IPO11: variants seen among roughly 807,000 people sequenced by gnomAD.
The protein encoded by IPO11 is importin 11.
A neutral mutation model predicts 143.2 loss-of-function variants in IPO11; 66 were observed. The observed-to-expected ratio is 0.46, with a 90% CI of 0.38 to 0.57. IPO11 has a LOEUF of 0.57. Ranked by LOEUF, IPO11 falls within the 20% of genes least tolerant of loss-of-function variation. The probability of loss-of-function intolerance (pLI) is 0.00; values close to 1 mark genes in which losing one functional copy is unlikely to be tolerated. For synonymous variants in IPO11, 385 were observed against 377.8 expected (o/e 1.02, Z -0.22); for missense variants, 1,026 against 1,141.0 (o/e 0.90, Z 1.45).
intron 10 of IPO11, 110 bp from the exon 11 acceptor site, chr5:62,483,900 C>A: frequency 1.1e-6 from 1 of 881,334 alleles, no homozygotes; most frequent in Non-Finnish European, 1.7e-6. Context: ...AATTTATACA[C>A]AAGTGTATCT....
rs774338851 is a variant in IPO11 at position 62,493,572 on chromosome 5, C to CT, written c.1464-412dup. 7.5e-3 allele frequency among the ~76,000 whole-genome samples: 1,074 copies of CT among 142,642 alleles called. 10 individuals carry two copies. The highest frequency in any genetic ancestry group is 0.011 in the Non-Finnish European group (698 of 64,850). 93.6% of individuals were successfully genotyped at this position (142,642 alleles called of 152,430 possible). A position where few individuals can be genotyped will look rare whatever the true frequency, so the allele number is the denominator to read the frequency against. ...GGTACATTTAGAAGTAGGCTTTAAGCTTTTTTTTTTTTTTGACAGAGCCTT... is the reference window on the plus strand; with the variant it reads ...GGTACATTTAGAAGTAGGCTTTAAGCTTTTTTTTTTTTTTTGACAGAGCCTT... On this transcript the variant is annotated intron_variant, in intron 15 of 29. Transcript: ENST00000325324.
In IPO11 at chr5:62,443,382, AGTGTGTGTGTGTGTGT is replaced by A. The variant is rs4024083; in HGVS notation, c.239+323_239+338del. On this transcript the variant is annotated intron_variant, in intron 3 of 29. Coordinates refer to ENST00000325324, the MANE Select transcript of IPO11 (RefSeq NM_016338.5). Reference sequence around the variant, plus strand: ...TGTTTTCTTCATGGTTTTCCATTTGAGTGTGTGTGTGTGTGTGTGTGTGTGTGTGTGTGTGTGTGCG... The same window carrying A: ...TGTTTTCTTCATGGTTTTCCATTTGAGTGTGTGTGTGTGTGTGTGTGTGCG... The A allele has an allele frequency of 8.1e-3, 1,297 of 159,548 alleles. 9 individuals carry two copies. The highest frequency in any genetic ancestry group is 0.021 in the African/African-American group (820 of 39,830). 9.9% of individuals were successfully genotyped at this position (159,548 alleles called of 1,614,324 possible). A position where few individuals can be genotyped will look rare whatever the true frequency, so the allele number is the denominator to read the frequency against.
chr5:62,507,116 T>C (rs565355397), intron 19 of IPO11, among the ~76,000 whole-genome samples: 2 of 152,348 alleles, frequency 1.3e-5, no homozygotes, highest in East Asian at 1.9e-4. Context: ...CTACATGCTT[T>C]GCATATATTT....
chr5:62,517,442 G>T (rs1352024521), intron 20 of IPO11, among the ~76,000 whole-genome samples: 1 of 152,092 alleles, frequency 6.6e-6, no homozygotes, highest in African/African-American at 2.4e-5. Context: ...CGCTCTTGTT[G>T]CCCAGGCTGG....
intron 24 of IPO11, among the ~76,000 whole-genome samples, chr5:62,545,161 A>G (rs1743118890): frequency 6.6e-6 from 1 of 152,234 alleles, no homozygotes; most frequent in African/African-American, 2.4e-5. Flanking sequence ...AGCCAAAAGA[A>G]CAAAGCTGGA....
Position 62,494,016 on chromosome 5 carries a change from C to T in IPO11, c.1482C>T (p.Arg494=), listed in dbSNP as rs772110405. ...VIHNRYKPLR[R]RVIWLIGQWI... is the part of the protein sequence containing the mutation. Reference sequence around the variant, plus strand: ...TGTTTAGGTATAAGCCATTGCGACGCAGGGTGATTTGGCTCATCGGTCAGT... The same window carrying T: ...TGTTTAGGTATAAGCCATTGCGACGTAGGGTGATTTGGCTCATCGGTCAGT... Residue 494 remains arginine (R), a synonymous_variant, in exon 16 of 30, where the codon CGC becomes CGT. Coordinates refer to ENST00000325324, the MANE Select transcript of IPO11 (RefSeq NM_016338.5). 1.2e-5 allele frequency: 19 copies of T among 1,612,260 alleles called. No homozygotes were observed. In the South Asian group the frequency reaches 2.0e-4, roughly 17 times the overall value.
chr5:62,513,924 C>T (rs1226358386), intron 19 of IPO11, among the ~76,000 whole-genome samples: 10 of 148,850 alleles, frequency 6.7e-5, no homozygotes, highest in Middle Eastern at 7.1e-3. Flanking sequence ...GGGTCGCGGC[C>T]GGGCCGAGGC....
intron 6 of IPO11, among the ~76,000 whole-genome samples, chr5:62,469,366 A>G (rs1396370756): frequency 1.3e-5 from 2 of 152,238 alleles, no homozygotes; most frequent in African/African-American, 4.8e-5. Context: ...CTTAATTTTA[A>G]TACATTGCTT....
intron 19 of IPO11, among the ~76,000 whole-genome samples, chr5:62,513,725 T>TG (rs1215925693): frequency 8.2e-6 from 1 of 122,032 alleles, no homozygotes; most frequent in African/African-American, 3.1e-5. Flanking sequence ...GCTGGCCGGG[T>TG]GGGGGGCTGA....
At chr5:62,573,809 G>C (rs959842454) in intron 27 of IPO11, among the ~76,000 whole-genome samples, 3 of 152,180 alleles carry the variant, frequency 2.0e-5, no homozygotes, top group Admixed American at 2.0e-4. Flanking sequence ...GTATTGTGTG[G>C]AGCCTTGATG....
chr5:62,479,369 G>A (rs931571322), intron 9 of IPO11, among the ~76,000 whole-genome samples: 21 of 152,112 alleles, frequency 1.4e-4, no homozygotes, highest in African/African-American at 4.8e-4. Flanking sequence ...CCAAGTCTTT[G>A]CTATTGTGAA....
chr5:62,483,584 T>C (rs746370980), intron 10 of IPO11, among the ~76,000 whole-genome samples: 3 of 152,176 alleles, frequency 2.0e-5, no homozygotes, highest in African/African-American at 4.8e-5. Flanking sequence ...GTGTATTCAT[T>C]TGAACAAATA....
At chr5:62,439,802 C>T (rs900504546) in intron 2 of IPO11, among the ~76,000 whole-genome samples, 1 of 151,994 alleles carries the variant, frequency 6.6e-6, no homozygotes, top group Non-Finnish European at 1.5e-5. Flanking sequence ...TTCCTTTTTC[C>T]CCTATACTCG....
chr5:62,588,674 C>T (rs1297476021), intron 27 of IPO11, among the ~76,000 whole-genome samples: 2 of 152,180 alleles, frequency 1.3e-5, no homozygotes, highest in Admixed American at 1.3e-4. Flanking sequence ...CTTTAAACCC[C>T]GCATCCTCAA....
chr5:62,546,057 A>G (rs1221593669), intron 24 of IPO11, among the ~76,000 whole-genome samples: 4 of 152,226 alleles, frequency 2.6e-5, no homozygotes, highest in African/African-American at 9.6e-5. Context: ...TCAAGGATCT[A>G]GAACTAGAAA....
chr5:62,509,406 T>C (rs1741671350), intron 19 of IPO11, among the ~76,000 whole-genome samples: 1 of 152,204 alleles, frequency 6.6e-6, no homozygotes, highest in African/African-American at 2.4e-5. Flanking sequence ...ATGTTTTCAG[T>C]GATATGAATT....
chr5:62,618,697 C>CA (rs959330689), intron 29 of IPO11, among the ~76,000 whole-genome samples: 32 of 150,484 alleles, frequency 2.1e-4, no homozygotes, highest in East Asian at 5.8e-4. Context: ...TTAATTTTAC[C>CA]AAAAAAAAAT....
chr5:62,525,428 G>C (rs958956893), intron 20 of IPO11, among the ~76,000 whole-genome samples: 5 of 151,622 alleles, frequency 3.3e-5, no homozygotes, highest in African/African-American at 1.2e-4. Context: ...CATGTAGGTT[G>C]GAGTGCAGTG....
intron 9 of IPO11, 79 bp from the exon 10 acceptor site, chr5:62,483,022 G>A: frequency 4.4e-6 from 4 of 911,038 alleles, no homozygotes; most frequent in Non-Finnish European, 6.7e-6. Context: ...TATTAGTAAA[G>A]TTATAATTGG....
Sources: allele counts gnomAD v4.1 joint callset (sites outside exome capture counted in the v4.1 genomes callset), GRCh38; gene constraint gnomAD v4.1.1; transcripts MANE v1.5; gene names NCBI Gene and HGNC (gene_info 2026-07-23, HGNC 2026-07-21).